The following MAD1L1 variants were observed in gnomAD, a reference collection of about 807,000 sequenced individuals.
MAD1L1 encodes mitotic spindle assembly checkpoint protein MAD1.
A neutral mutation model predicts 96.9 loss-of-function variants in MAD1L1; 95 were observed. That is an observed-to-expected ratio of 0.98 (90% CI 0.83 to 1.16). The LOEUF is 1.16. Ranked by LOEUF, MAD1L1 falls within the 50% of genes most tolerant of loss-of-function variation. MAD1L1 has a pLI of 0.00. For synonymous variants in MAD1L1, 473 were observed against 396.6 expected (o/e 1.19, Z -2.29); for missense variants, 1,007 against 954.4 (o/e 1.06, Z -0.73).
chr7:2,197,191 G>A (rs752865797), intron 10 of MAD1L1, among the ~76,000 whole-genome samples: 10 of 152,162 alleles, frequency 6.6e-5, no homozygotes, highest in Non-Finnish European at 1.2e-4. Flanking sequence ...GTCCGAACAC[G>A]CAGCATCTGG....
At chr7:2,223,710 A>T (rs1793731760) in intron 4 of MAD1L1, 1 of 152,306 alleles carries the variant, frequency 6.6e-6, no homozygotes. Context: ...TCTGTGATGC[A>T]GGACAAGAAC....
At chr7:2,227,318 T>C (rs1297199763) in intron 3 of MAD1L1, among the ~76,000 whole-genome samples, 1 of 152,086 alleles carries the variant, frequency 6.6e-6, no homozygotes, top group Non-Finnish European at 1.5e-5. Context: ...AGAAACTTCT[T>C]TTTAGACACA....
At chr7:1,945,903 G>A (rs190379950) in intron 16 of MAD1L1, among the ~76,000 whole-genome samples, 2 of 152,292 alleles carry the variant, frequency 1.3e-5, no homozygotes, top group African/African-American at 4.8e-5. Context: ...ATGAGGCACA[G>A]GCCAGTGCAG....
intron 17 of MAD1L1, among the ~76,000 whole-genome samples, chr7:1,915,150 T>C (rs1028965306): frequency 2.0e-5 from 3 of 152,066 alleles, no homozygotes; most frequent in African/African-American, 7.2e-5. Flanking sequence ...GCTGGGCGCC[T>C]GGTAACACCC....
chr7:2,181,963 A>G (rs1392570899), intron 10 of MAD1L1, among the ~76,000 whole-genome samples: 1 of 152,146 alleles, frequency 6.6e-6, no homozygotes, highest in African/African-American at 2.4e-5. Context: ...CCTCACTTAT[A>G]AGTGGAAGCT....
chr7:2,213,140 G>T, intron 10 of MAD1L1, 72 bp downstream of exon 10: 2 of 1,522,278 alleles, frequency 1.3e-6, no homozygotes, highest in Non-Finnish European at 1.8e-6. Flanking sequence ...TGGTGAGCCG[G>T]AAGCAGGCTC....
At chr7:1,949,504 C>T (rs1225652366) in intron 16 of MAD1L1, among the ~76,000 whole-genome samples, 1 of 152,218 alleles carries the variant, frequency 6.6e-6, no homozygotes, top group African/African-American at 2.4e-5. Flanking sequence ...CAGGTCCAAA[C>T]CCAGTTCCTC....
intron 15 of MAD1L1, among the ~76,000 whole-genome samples, chr7:1,963,981 C>T (rs1011995763): frequency 2.6e-5 from 4 of 152,212 alleles, no homozygotes; most frequent in African/African-American, 4.8e-5. Flanking sequence ...TGTGGCTTTA[C>T]AAACAACCCC....
intron 17 of MAD1L1, among the ~76,000 whole-genome samples, chr7:1,903,137 G>C (rs949830671): frequency 2.6e-5 from 4 of 151,486 alleles, no homozygotes; most frequent in Admixed American, 6.6e-5. Context: ...CGCTCTTGCG[G>C]AACTCATGAT....
intron 12 of MAD1L1, among the ~76,000 whole-genome samples, chr7:2,033,559 A>G (rs748874738): frequency 6.6e-5 from 10 of 152,258 alleles, no homozygotes; most frequent in African/African-American, 9.6e-5. Context: ...AAAATCACTA[A>G]CACGGTAATA....
At chr7:2,091,818 T>C (rs1174810309) in intron 11 of MAD1L1, among the ~76,000 whole-genome samples, 1 of 152,090 alleles carries the variant, frequency 6.6e-6, no homozygotes, top group Non-Finnish European at 1.5e-5. Flanking sequence ...GTATGATCGA[T>C]ACCTTGTCCC....
chr7:1,917,588 G>T (rs535345214), intron 17 of MAD1L1, among the ~76,000 whole-genome samples: 2 of 152,362 alleles, frequency 1.3e-5, no homozygotes, highest in African/African-American at 4.8e-5. Flanking sequence ...ATCCCTAATT[G>T]GGTACTTGGC....
chr7:1,829,601 CTGGTTGCCAG>C (rs1782602960), intron 18 of MAD1L1: 1 of 151,958 alleles, frequency 6.6e-6, no homozygotes, highest in Non-Finnish European at 1.5e-5. Context: ...TATTCAAGGA[CTGGTTGCCAG>C]TGGTGGGGAC....
chr7:1,834,105 G>C (rs1031764974), intron 18 of MAD1L1, among the ~76,000 whole-genome samples: 1 of 152,134 alleles, frequency 6.6e-6, no homozygotes, highest in African/African-American at 2.4e-5. Context: ...AAATCAAAAG[G>C]GAGGTTAGTT....
At chr7:1,862,435 G>A (rs1405258299) in intron 18 of MAD1L1, among the ~76,000 whole-genome samples, 2 of 152,234 alleles carry the variant, frequency 1.3e-5, no homozygotes, top group Admixed American at 6.5e-5. Context: ...GACCCCAGAG[G>A]CAGGGGCTTG....
At chr7:2,160,761 C>T (rs1209703426) in intron 10 of MAD1L1, among the ~76,000 whole-genome samples, 1 of 152,068 alleles carries the variant, frequency 6.6e-6, no homozygotes, top group Non-Finnish European at 1.5e-5. Flanking sequence ...ATTACAGGTA[C>T]CCACTACCAT....
chr7:1,826,347 TC>T (rs1171404317), intron 18 of MAD1L1, among the ~76,000 whole-genome samples: 1 of 151,984 alleles, frequency 6.6e-6, no homozygotes, highest in East Asian at 1.9e-4. Flanking sequence ...GCCGAGGGCC[TC>T]CTCCTCCAGG....
In MAD1L1 at chr7:2,142,516, G is replaced by C. The variant is rs1789089071; in HGVS notation, c.1073+6636C>G. ...AGATCACGCGGGTTCTCTGCTGCCGGACGGAGCGCCCCTAGCTGCCACTGA... is the reference window on the plus strand; with the variant it reads ...AGATCACGCGGGTTCTCTGCTGCCGCACGGAGCGCCCCTAGCTGCCACTGA... On this transcript the variant is annotated intron_variant, in intron 11 of 18. Transcript: ENST00000265854. The surrounding 1 kb of genome is among the most constrained non-coding windows in gnomAD (Gnocchi z 4.7). Among the ~76,000 whole-genome samples, 1 of 152,172 alleles carries C rather than the reference G, an allele frequency of 6.6e-6. No homozygotes were observed. Among genetic ancestry groups the C allele is most frequent in the South Asian group, 2.1e-4 (1 of 4,836 alleles).
At chr7:2,052,995 G>A (rs1784248586) in intron 12 of MAD1L1, among the ~76,000 whole-genome samples, 1 of 152,182 alleles carries the variant, frequency 6.6e-6, no homozygotes, top group South Asian at 2.1e-4. Context: ...AGCCTGAGGA[G>A]GGAACGGGTG....
Sources: allele counts gnomAD v4.1 joint callset (sites outside exome capture counted in the v4.1 genomes callset), GRCh38; gene constraint gnomAD v4.1.1; non-coding constraint Gnocchi (gnomAD v3.1); transcripts MANE v1.5; gene names NCBI Gene and HGNC (gene_info 2026-07-23, HGNC 2026-07-21).